TIAM1: variants seen among roughly 807,000 people sequenced by gnomAD.
The protein encoded by TIAM1 is TIAM Rac1 associated GEF 1, also known as rho guanine nucleotide exchange factor TIAM1.
In TIAM1, 65 loss-of-function variants were observed where a neutral mutation model predicts 163.5. The ratio of observed to expected loss-of-function variants is 0.40; its 90% CI spans 0.33 to 0.49. The LOEUF (loss-of-function observed/expected upper bound fraction) is 0.49, where lower values mean the gene tolerates loss of function less well. TIAM1 is among the 20% of genes least tolerant of loss of function. TIAM1 has a pLI of 0.77. For missense variants in TIAM1, 1,789 were observed against 2,044.7 expected, an observed-to-expected ratio of 0.87 and a Z score of 2.41; for synonymous variants, 833 against 810.1, an observed-to-expected ratio of 1.03 and a Z score of -0.48.
At chr21:31,250,261 A>G (rs542988157) in intron 5 of TIAM1, among the ~76,000 whole-genome samples, 10 of 152,130 alleles carry the variant, frequency 6.6e-5, no homozygotes, top group Non-Finnish European at 1.2e-4. Context: ...GAGTTATCAC[A>G]CAAGCCTTAA....
chr21:31,155,704 A>T (rs60842708), intron 16 of TIAM1, among the ~76,000 whole-genome samples: 23 of 151,708 alleles, frequency 1.5e-4, no homozygotes, highest in African/African-American at 5.3e-4. Flanking sequence ...CGGGATTTCA[A>T]CATGTTGGCC....
intron 12 of TIAM1, among the ~76,000 whole-genome samples, chr21:31,199,532 A>ATT (rs59602143): frequency 1.4e-3 from 191 of 139,472 alleles, no homozygotes; most frequent in African/African-American, 4.5e-3. Flanking sequence ...AGCCTAGAAC[A>ATT]TTTTTTTTTT....
rs529932103 is a variant in TIAM1, at chr21:31,252,300, C to G, written c.964-111G>C. 6.7e-6 allele frequency: 8 copies of G among 1,192,552 alleles called. No individual in the cohort carries two copies. In the Admixed American group the frequency reaches 9.0e-5, roughly 13 times the overall value. 73.9% of individuals were successfully genotyped at this position (1,192,552 alleles called of 1,614,324 possible). On this transcript the variant is annotated intron_variant, in intron 4 of 27. Coordinates refer to ENST00000541036, the MANE Select transcript of TIAM1 (RefSeq NM_001353694.2). ...GCCAGGGCTCTGTAGCAGCGGGATA[C>G]GCATAAGGCACAGCCACTCCTGACG...
chr21:31,143,978 C>G (rs2146285105), intron 20 of TIAM1, among the ~76,000 whole-genome samples: 1 of 152,216 alleles, frequency 6.6e-6, no homozygotes, highest in East Asian at 1.9e-4. Flanking sequence ...AAACGATCTG[C>G]CCACCTCGGC....
intron 22 of TIAM1, 48 bp from the exon 23 acceptor site, chr21:31,136,089 C>T (rs1475009086): frequency 2.7e-6 from 4 of 1,476,548 alleles, no homozygotes; most frequent in South Asian, 2.4e-5. Flanking sequence ...GTTATCAATA[C>T]TCAGATTTTC....
At chr21:31,210,524 G>T (rs2086669097) in intron 10 of TIAM1, among the ~76,000 whole-genome samples, 1 of 88,954 alleles carries the variant, frequency 1.1e-5, no homozygotes, top group Non-Finnish European at 2.2e-5. Flanking sequence ...AGAGAGATAG[G>T]GAAGGAAGGA....
chr21:31,220,131 C>T (rs2087474101), intron 8 of TIAM1, among the ~76,000 whole-genome samples: 1 of 152,118 alleles, frequency 6.6e-6, no homozygotes, highest in Non-Finnish European at 1.5e-5. Context: ...ATAGAGGCAA[C>T]CGTATAAAAT....
At chr21:31,144,030 A>G (rs9984446) in intron 20 of TIAM1, among the ~76,000 whole-genome samples, 95,298 of 152,002 alleles carry the variant, frequency 0.63, 30,583 homozygotes, top group African/African-American at 0.76. Context: ...CACCGCACCC[A>G]GCCCTGTCTT....
At chr21:31,554,554 G>A (rs1479151153) in intron 1 of TIAM1, among the ~76,000 whole-genome samples, 3 of 152,180 alleles carry the variant, frequency 2.0e-5, no homozygotes, top group Non-Finnish European at 4.4e-5. Flanking sequence ...ACAGGACCAA[G>A]CCTCAAAGGG....
chr21:31,144,104 T>C (rs2082990216), intron 20 of TIAM1, among the ~76,000 whole-genome samples: 1 of 152,192 alleles, frequency 6.6e-6, no homozygotes, highest in African/African-American at 2.4e-5. Context: ...TTATCCCTTT[T>C]AAGCCCCATT....
chr21:31,380,177 C>T (rs1014936601), intron 2 of TIAM1, among the ~76,000 whole-genome samples: 6 of 151,958 alleles, frequency 3.9e-5, no homozygotes, highest in African/African-American at 7.3e-5. Flanking sequence ...GCATGAGAAT[C>T]GCTTGAACCT....
chr21:31,431,640 G>A (rs2147280060), intron 2 of TIAM1, among the ~76,000 whole-genome samples: 1 of 152,326 alleles, frequency 6.6e-6, no homozygotes, highest in East Asian at 1.9e-4. Flanking sequence ...TACATGTTCT[G>A]AGAAATGCCG....
At position 31,456,334 on chromosome 21, in the gene TIAM1, G is replaced by C. The variant is rs2045099654; in HGVS notation, c.-369+7649C>G. Among the ~76,000 whole-genome samples, 3 of 152,228 alleles carry C rather than the reference G, an allele frequency of 2.0e-5. No homozygotes were observed. The South Asian group carries it at 6.2e-4, about 31-fold the overall frequency. On this transcript the variant is annotated intron_variant, in intron 2 of 28. Coordinates refer to the TIAM1 transcript ENST00000286827. The stretch of plus-strand genomic sequence containing the variant: ...CTGCAGGGACACTGTGGCACAGAGA[G>C]GGTCATACCTGGCGGAACCCAGGAC...
chr21:31,289,232 T>G (rs113650262), intron 2 of TIAM1, among the ~76,000 whole-genome samples: 9,486 of 152,026 alleles, frequency 0.062, 745 homozygotes, highest in African/African-American at 0.18. Context: ...AGGATGAGAG[T>G]GGAGCACATG....
chr21:31,400,189 G>A (rs1378064919), intron 2 of TIAM1, among the ~76,000 whole-genome samples: 1 of 151,628 alleles, frequency 6.6e-6, no homozygotes, highest in Admixed American at 6.6e-5. Context: ...GTGCAGTGGC[G>A]TGATCTTGGC....
chr21:31,427,486 C>A (rs955062071), intron 2 of TIAM1, among the ~76,000 whole-genome samples: 2 of 150,418 alleles, frequency 1.3e-5, no homozygotes, highest in African/African-American at 2.4e-5. Context: ...GACTCTGTCT[C>A]AAAAAAATAA....
intron 23 of TIAM1, among the ~76,000 whole-genome samples, chr21:31,133,239 C>T (rs1270976117): frequency 3.9e-5 from 6 of 152,204 alleles, no homozygotes; most frequent in South Asian, 2.1e-4. Context: ...ATGACTACAG[C>T]CTTTGTTCAT....
chr21:31,313,503 A>G (rs2075003406), intron 2 of TIAM1, among the ~76,000 whole-genome samples: 2 of 152,206 alleles, frequency 1.3e-5, no homozygotes, highest in Admixed American at 1.3e-4. Flanking sequence ...GAGAAAAGAA[A>G]GATTGTTCTT....
chr21:31,499,869 A>G (rs1417981033), intron 1 of TIAM1, among the ~76,000 whole-genome samples: 1 of 96,176 alleles, frequency 1.0e-5, no homozygotes, highest in Admixed American at 1.2e-4. Context: ...AAAGAAGAAG[A>G]AAACAAAAAA....
Sources: allele counts gnomAD v4.1 joint callset (sites outside exome capture counted in the v4.1 genomes callset), GRCh38; gene constraint gnomAD v4.1.1; transcripts MANE v1.5; gene names NCBI Gene and HGNC (gene_info 2026-07-23, HGNC 2026-07-21).